Variants in OR8D4 observed in about 807,000 individuals in gnomAD.
OR8D4 encodes the protein olfactory receptor family 8 subfamily D member 4.
For missense variants in OR8D4, 359 were observed against 372.6 expected (o/e 0.96, Z 0.30); for synonymous variants, 141 against 134.8 (o/e 1.05, Z -0.32).
chr11:123,906,355 T>C (rs974516790), intron 1 of OR8D4, 62 bp from the exon 2 acceptor site: 9 of 1,006,388 alleles, frequency 8.9e-6, no homozygotes, highest in Non-Finnish European at 1.3e-5. Context: ...AAAACACTGA[T>C]ATTTGTTTTC....
rs143572290 is a variant in OR8D4 at position 123,903,425 on chromosome 11, C to G, written c.-16+1168C>G. On this transcript the variant is annotated intron_variant, in intron 1 of 1. Coordinates refer to ENST00000641687, the MANE Select transcript of OR8D4 (RefSeq NM_001005197.2). ...TTGCCCGTGTGTCTGCATTATATGT[C>G]TATTGGGCAATGCTGATCTAGCATT... Among the ~76,000 whole-genome samples the G allele has an allele frequency of 9.0e-3, 1,367 of 152,156 alleles. 24 individuals carry two copies. Among genetic ancestry groups the G allele is most frequent in the Non-Finnish European group, 7.1e-3 (480 of 67,990 alleles).
chr11:123,906,317 AAC>A, intron 1 of OR8D4, 98 bp from the exon 2 acceptor site: 1 of 739,800 alleles, frequency 1.4e-6, no homozygotes, highest in Non-Finnish European at 2.1e-6. Context: ...TGGTTTTCGT[AAC>A]ACAAAGTCAG....
At chr11:123,904,295 C>T (rs1863182812) in intron 1 of OR8D4, among the ~76,000 whole-genome samples, 1 of 152,078 alleles carries the variant, frequency 6.6e-6, no homozygotes, top group Non-Finnish European at 1.5e-5. Context: ...AAACAAGGAA[C>T]ATGAGCAGAA....
Position 123,907,440 on chromosome 11 carries a change from C to A in OR8D4, c.*64C>A. 1 of 731,154 alleles carries A rather than the reference C, an allele frequency of 1.4e-6. No individual in the cohort carries two copies. The highest frequency in any genetic ancestry group is 2.3e-5 in the South Asian group (1 of 43,840). The allele number at this position is 731,154 out of a possible 1,614,324, so 45.3% of individuals were successfully genotyped here. On this transcript the variant is annotated 3_prime_UTR_variant, in exon 2 of 2. Transcript: ENST00000641687. ...CATGATTATATGTATATATTTATAC[C>A]TTGACTATTTAAAAGTAATTTGAGG... is the stretch of plus-strand genomic sequence containing the variant.
Position 123,907,799 on chromosome 11 carries a change from A to G in OR8D4, c.*423A>G, listed in dbSNP as rs942656975. 1 of 151,286 alleles carries G rather than the reference A, an allele frequency of 6.6e-6. No individual in the cohort carries two copies. Among genetic ancestry groups the G allele is most frequent in the Admixed American group, 6.6e-5 (1 of 15,170 alleles). The allele number at this position is 151,286 out of a possible 1,614,324, so 9.4% of individuals were successfully genotyped here. ...TTTGAAATCAGATGAAATTATATAT[A>G]TTTAGATTAGTAAATATATGCACAG... On this transcript the variant is annotated 3_prime_UTR_variant, in exon 2 of 2. Coordinates refer to ENST00000641687, the MANE Select transcript of OR8D4 (RefSeq NM_001005197.2).
intron 1 of OR8D4, among the ~76,000 whole-genome samples, chr11:123,903,154 AT>A (rs1863174392): frequency 6.6e-6 from 1 of 151,214 alleles, no homozygotes; most frequent in Non-Finnish European, 1.5e-5. Context: ...TATATTAGGT[AT>A]TATAAGTAAT....
At chr11:123,904,582 G>A (rs1226731087) in intron 1 of OR8D4, among the ~76,000 whole-genome samples, 2 of 152,138 alleles carry the variant, frequency 1.3e-5, no homozygotes, top group Non-Finnish European at 2.9e-5. Context: ...AAGAGCAATT[G>A]GACACTCACT....
At chr11:123,903,539 A>C (rs1328689408) in intron 1 of OR8D4, among the ~76,000 whole-genome samples, 2 of 152,162 alleles carry the variant, frequency 1.3e-5, no homozygotes, top group Non-Finnish European at 2.9e-5. Context: ...TTATGATTTT[A>C]AATTGCTAAA....
In OR8D4 at chr11:123,907,242, G is replaced by A; in HGVS notation, c.811G>A (p.Glu271Lys). The change falls in exon 2 of 2, where the codon GAG becomes AAG. Residue 271 changes from glutamate (E) to lysine (K), a missense_variant. Coordinates refer to ENST00000641687, the MANE Select transcript of OR8D4 (RefSeq NM_001005197.2). ...TGCTTCTAGCAGTTCACTCACCCAG[G>A]AGAAAGTATCCTCAGTATTTTATAC... ...KPASSSSLTQ[E>K]KVSSVFYTTV... 6.2e-7 allele frequency: 1 copy of A among 1,613,200 alleles called. No homozygotes were observed. Among genetic ancestry groups the A allele is most frequent in the South Asian group, 1.1e-5 (1 of 91,060 alleles).
In OR8D4 at chr11:123,907,398, A is replaced by C; in HGVS notation, c.*22A>C. ...ATAAATATGCTCTTTATTAAGATCTATTTCTGTATTCATAATCATGATTAT... is the reference window on the plus strand; with the variant it reads ...ATAAATATGCTCTTTATTAAGATCTCTTTCTGTATTCATAATCATGATTAT... On this transcript the variant is annotated 3_prime_UTR_variant, in exon 2 of 2. Coordinates refer to ENST00000641687, the MANE Select transcript of OR8D4 (RefSeq NM_001005197.2). 1 of 940,896 alleles carries C rather than the reference A, an allele frequency of 1.1e-6. No individual in the cohort carries two copies. The highest frequency in any genetic ancestry group is 1.7e-5 in the African/African-American group (1 of 60,310). The allele number at this position is 940,896 out of a possible 1,614,324, so 58.3% of individuals were successfully genotyped here. A position where few individuals can be genotyped will look rare whatever the true frequency, so the allele number is the denominator to read the frequency against.
chr11:123,902,814 T>C (rs1481593052), intron 1 of OR8D4, among the ~76,000 whole-genome samples: 2 of 152,226 alleles, frequency 1.3e-5, no homozygotes, highest in East Asian at 3.9e-4. Context: ...TCCAGTAATA[T>C]AGCCACTAGC....
chr11:123,906,841 C>T lies in OR8D4; in HGVS notation c.410C>T (p.Ser137Phe), dbSNP rs1413802021. The stretch of plus-strand genomic sequence containing the variant: ...CCACTGCTCTACAGGGTCATCATGT[C>T]CCCTAGGGTCTGTTCTCTGCTGGTG... ...CSPLLYRVIM[S>F]PRVCSLLVAA... Residue 137 changes from serine to phenylalanine, a missense_variant, in exon 2 of 2, where the codon TCC becomes TTC. Ser to Phe is a radical substitution (Grantham distance 155). Transcript: ENST00000641687. 6.2e-7 allele frequency: 1 copy of T among 1,613,906 alleles called. No homozygotes were observed. Among genetic ancestry groups the T allele is most frequent in the Non-Finnish European group, 8.5e-7 (1 of 1,179,906 alleles).
chr11:123,906,291 C>T, intron 1 of OR8D4, 126 bp from the exon 2 acceptor site: 3 of 602,024 alleles, frequency 5.0e-6, no homozygotes, highest in Non-Finnish European at 8.7e-6. Flanking sequence ...TCCATTTCAT[C>T]TGAGTGTTCA....
intron 1 of OR8D4, among the ~76,000 whole-genome samples, chr11:123,903,584 G>A (rs755895807): frequency 8.5e-5 from 13 of 152,094 alleles, no homozygotes; most frequent in East Asian, 1.9e-4. Context: ...CTGAATCAAT[G>A]TAGTAGATTA....
In OR8D4 at chr11:123,908,331, GT is replaced by G. The variant is rs1863222995; in HGVS notation, c.*957del. On this transcript the variant is annotated 3_prime_UTR_variant, in exon 2 of 2. Transcript: ENST00000641687. ...GTAACTTTCTGTTTGTTTCTTTTGA[GT>G]TGGTATTTTCTTTGTAAGCTGTAAC... 1 of 152,070 alleles carries G rather than the reference GT, an allele frequency of 6.6e-6. No homozygotes were observed. Among genetic ancestry groups the G allele is most frequent in the Admixed American group, 6.6e-5 (1 of 15,262 alleles). The allele number at this position is 152,070 out of a possible 1,614,324, so 9.4% of individuals were successfully genotyped here. A position where few individuals can be genotyped will look rare whatever the true frequency, so the allele number is the denominator to read the frequency against.
chr11:123,906,351 C>T (rs1863197992), intron 1 of OR8D4, 66 bp from the exon 2 acceptor site: 2 of 970,988 alleles, frequency 2.1e-6, no homozygotes, highest in Admixed American at 2.6e-5. Flanking sequence ...AGAGAAAACA[C>T]TGATATTTGT....
chr11:123,906,974 T>C lies in OR8D4; in HGVS notation c.543T>C (p.Ile181=), dbSNP rs374786985. ...TCATTAAACATTATTTCTGTGACAT[T>C]GTCCCTCTTATTAAACTCTCCTGCT... ...SNIIKHYFCD[I]VPLIKLSCSS... is the part of the protein sequence containing the mutation. The change falls in exon 2 of 2, where the codon ATT becomes ATC. Residue 181 remains isoleucine, a synonymous_variant. Coordinates refer to ENST00000641687, the MANE Select transcript of OR8D4 (RefSeq NM_001005197.2). The C allele has an allele frequency of 2.0e-5, 33 of 1,614,114 alleles. No homozygotes were observed. The African/African-American group carries it at 4.0e-4, about 20-fold the overall frequency.
In OR8D4 at chr11:123,907,314, A is replaced by C; in HGVS notation, c.883A>C (p.Asn295His). The C allele has an allele frequency of 4.5e-6, 7 of 1,561,780 alleles. No individual in the cohort carries two copies. Among genetic ancestry groups the C allele is most frequent in the Non-Finnish European group, 6.1e-6 (7 of 1,144,240 alleles). Residue 295 changes from asparagine (N) to histidine (H), a missense_variant, in exon 2 of 2, where the codon AAT (asparagine) becomes CAT (histidine). By Grantham distance (68) the Asn-to-His change is moderately conservative (BLOSUM62 1). Coordinates refer to ENST00000641687, the MANE Select transcript of OR8D4 (RefSeq NM_001005197.2). ...TCCCTTGATATATAGTCTGAGGAAC[A>C]ATGAAGTAAGAAATGCTCTGATGAA... ...LNPLIYSLRN[N>H]EVRNALMKLL...
At position 123,906,823 on chromosome 11, in the gene OR8D4, T is replaced by C. The variant is rs1236207769; in HGVS notation, c.392T>C (p.Leu131Pro). The C allele has an allele frequency of 3.7e-6, 6 of 1,613,926 alleles. No individual in the cohort carries two copies. Among genetic ancestry groups the C allele is most frequent in the Admixed American group, 1.7e-5 (1 of 59,992 alleles). ...DRYVAICSPL[L>P]YRVIMSPRVC... ...TACGTGGCCATCTGCAGCCCACTGC[T>C]CTACAGGGTCATCATGTCCCCTAGG... The change falls in exon 2 of 2, where the codon CTC becomes CCC. Residue 131 changes from leucine to proline, a missense_variant. Coordinates refer to ENST00000641687, the MANE Select transcript of OR8D4 (RefSeq NM_001005197.2).
Sources: gnomAD v4.1 joint callset for allele counts (sites outside exome capture counted in the v4.1 genomes callset) on GRCh38, gnomAD v4.1.1 for gene constraint, MANE v1.5 for transcripts, NCBI Gene and HGNC (gene_info 2026-07-23, HGNC 2026-07-21) for gene names.